SIN3B: variants seen among roughly 807,000 people sequenced by gnomAD.
The protein encoded by SIN3B is SIN3 transcription regulator family member B.
A neutral mutation model predicts 120.2 loss-of-function variants in SIN3B; 19 were observed. The ratio of observed to expected loss-of-function variants is 0.16; its 90% CI spans 0.11 to 0.23. The LOEUF (loss-of-function observed/expected upper bound fraction) is 0.23, where lower values mean the gene tolerates loss of function less well. Among genes scored for constraint, SIN3B ranks in the 10% least tolerant of loss-of-function variants. The pLI, the probability that SIN3B is intolerant of heterozygous loss-of-function variation, is 1.00. For synonymous variants in SIN3B, 654 were observed against 653.2 expected, an observed-to-expected ratio of 1.00 and a Z score of -0.02; for missense variants, 1,073 against 1,573.0, an observed-to-expected ratio of 0.68 and a Z score of 5.38.
chr19:16,851,365 G>A (rs762733300), intron 5 of SIN3B, 47 bp from the exon 6 acceptor site: 3 of 1,529,812 alleles, frequency 2.0e-6, no homozygotes. Flanking sequence ...AGGTGCATGG[G>A]TCCAGCCACG....
Position 16,862,611 on chromosome 19 carries a change from C to T in SIN3B, c.1266+52C>T. 6.7e-7 allele frequency: 1 copy of T among 1,497,494 alleles called. No homozygotes were observed. The allele number at this position is 1,497,494 out of a possible 1,614,324, so 92.8% of individuals were successfully genotyped here. On this transcript the variant is annotated intron_variant, in intron 9 of 18. Transcript: ENST00000248054. The surrounding 1 kb of genome is among the most constrained non-coding windows in gnomAD (Gnocchi z 4.7). ...CGTTGACATGGTGCATCCCCCACCC[C>T]TCCCCAGCAAACACCCGATACCCCC...
At chr19:16,851,384 G>T in intron 5 of SIN3B, 28 bp from the exon 6 acceptor site, 4 of 1,562,992 alleles carry the variant, frequency 2.6e-6, no homozygotes, top group Non-Finnish European at 3.5e-6. Flanking sequence ...CGTCTCCGGT[G>T]CTGACCACCT....
rs201238702 is a variant in SIN3B, at chr19:16,841,791, C to T, written c.405C>T (p.Asp135=). Residue 135 remains aspartate (D), a synonymous_variant, in exon 4 of 19, where the codon GAC becomes GAT. Transcript: ENST00000248054. ...TSQENSHNHG[D]GAEDFKQQVP... ...AGGAGAATTCGCACAACCACGGGGA[C>T]GGTGCAGAGGACTTCAAGCAGCAGG... The T allele has an allele frequency of 5.6e-5, 90 of 1,613,808 alleles. No homozygotes were observed. In the Admixed American group the frequency reaches 6.7e-4, roughly 12 times the overall value.
At chr19:16,841,216 C>T (rs1232610015) in intron 3 of SIN3B, among the ~76,000 whole-genome samples, 2 of 152,060 alleles carry the variant, frequency 1.3e-5, no homozygotes, top group East Asian at 1.9e-4. Flanking sequence ...TTCTCCCAAG[C>T]GACCGATGCA....
intron 14 of SIN3B, among the ~76,000 whole-genome samples, chr19:16,874,954 T>G (rs200965739): frequency 1.3e-5 from 2 of 151,120 alleles, no homozygotes; most frequent in Non-Finnish European, 2.9e-5. Flanking sequence ...TCTGATCTGG[T>G]CTGGTTTTGG....
intron 17 of SIN3B, 103 bp from the exon 18 acceptor site, chr19:16,878,080 A>C: frequency 1.1e-6 from 1 of 938,844 alleles, no homozygotes; most frequent in Non-Finnish European, 1.6e-6. Flanking sequence ...CCTGGGAGGT[A>C]GCACATCTTC....
At chr19:16,843,176 C>T (rs1470905228) in intron 4 of SIN3B, among the ~76,000 whole-genome samples, 8 of 152,164 alleles carry the variant, frequency 5.3e-5, no homozygotes, top group South Asian at 2.1e-4. Context: ...CAGCTCACTG[C>T]AACCTCAGCC....
In SIN3B at chr19:16,869,768, C is replaced by T. The variant is rs745684168; in HGVS notation, c.2115C>T (p.Pro705=). 2.5e-6 allele frequency: 4 copies of T among 1,613,514 alleles called. No individual in the cohort carries two copies. The South Asian group carries it at 3.3e-5, about 13-fold the overall frequency. ...PSERKKPAPG[P]HSSPPEEKGA... ...AGCGGAAGAAGCCGGCGCCAGGACC[C>T]CACAGTAGCCCCCCAGAGGAGAAGG... is the stretch of plus-strand genomic sequence containing the variant. The change falls in exon 13 of 19, where the codon CCC becomes CCT. Residue 705 remains proline, a synonymous_variant. Transcript: ENST00000248054.
At chr19:16,847,143 G>C in intron 5 of SIN3B, 30 bp downstream of exon 5, 1 of 1,594,578 alleles carries the variant, frequency 6.3e-7, no homozygotes, top group African/African-American at 1.3e-5. Context: ...GCCCAGCCTC[G>C]GGGGCCTCAG....
rs369401670 is a variant in SIN3B, at chr19:16,877,655, A to T, written c.2954+16A>T. On this transcript the variant is annotated intron_variant, in intron 17 of 18. Coordinates refer to ENST00000248054, the MANE Select transcript of SIN3B (RefSeq NM_001297595.2). ...TCCTGCAGAGGTAAGAGGCCCTGAG[A>T]TGCATGCTCTGTTCCTTCCTTCCTG... 3.1e-5 allele frequency: 49 copies of T among 1,560,672 alleles called. 1 individual carries two copies. Among genetic ancestry groups the T allele is most frequent in the Non-Finnish European group, 4.3e-5 (49 of 1,139,090 alleles).
intron 4 of SIN3B, among the ~76,000 whole-genome samples, chr19:16,843,141 A>G (rs1158146192): frequency 1.3e-5 from 2 of 152,108 alleles, no homozygotes; most frequent in African/African-American, 4.8e-5. Context: ...GCTGTCACCC[A>G]GGCTGGAGTG....
At position 16,878,850 on chromosome 19, in the gene SIN3B, C is replaced by G. The variant is rs1164330532; in HGVS notation, c.*123C>G. On this transcript the variant is annotated 3_prime_UTR_variant, in exon 19 of 19. Coordinates refer to ENST00000248054, the MANE Select transcript of SIN3B (RefSeq NM_001297595.2). ...ATCTCCCAGCCCCTCTGCTGCCGGA[C>G]AGCGCACTCCAGGGCAGGACGCCGC... 7 of 891,468 alleles carry G rather than the reference C, an allele frequency of 7.9e-6. No individual in the cohort carries two copies. Among genetic ancestry groups the G allele is most frequent in the South Asian group, 1.7e-5 (1 of 59,698 alleles). 55.2% of individuals were successfully genotyped at this position (891,468 alleles called of 1,614,324 possible).
Position 16,862,354 on chromosome 19 carries a change from A to G in SIN3B, c.1061A>G (p.Lys354Arg), listed in dbSNP as rs753487544. The change falls in exon 9 of 19, where the codon AAA (lysine) becomes AGA (arginine). Residue 354 changes from lysine to arginine, a missense_variant and splice_region_variant. By Grantham distance (26) the Lys-to-Arg change is conservative. Transcript: ENST00000248054. The surrounding 1 kb of genome is among the most constrained non-coding windows in gnomAD (Gnocchi z 4.7). ...ACCATGTGTCTTTATCTTTGAAGGA[A>G]ATTTCCAGAACTCTTTGCACAGTTC... ...LLQLVSPFLGKFPELFAQFKS... is the reference protein window; with the variant it reads ...LLQLVSPFLGRFPELFAQFKS... 3.1e-6 allele frequency: 5 copies of G among 1,609,378 alleles called. No homozygotes were observed. In the Admixed American group the frequency reaches 8.3e-5, roughly 27 times the overall value.
chr19:16,837,808 C>G (rs746885070), intron 3 of SIN3B, among the ~76,000 whole-genome samples: 10 of 152,060 alleles, frequency 6.6e-5, no homozygotes, highest in Non-Finnish European at 1.0e-4. Context: ...CTGGGCTGAT[C>G]TCAGGATGCC....
chr19:16,844,292 C>T (rs1206644890), intron 4 of SIN3B: 1 of 152,264 alleles, frequency 6.6e-6, no homozygotes, highest in African/African-American at 2.4e-5. Context: ...AGAGCCAAAC[C>T]AGGCAGCTCC....
intron 6 of SIN3B, among the ~76,000 whole-genome samples, chr19:16,852,837 G>A (rs1017487391): frequency 6.6e-6 from 1 of 152,170 alleles, no homozygotes; most frequent in African/African-American, 2.4e-5. Context: ...GTTACCCAAA[G>A]CCCTACCCTG....
chr19:16,865,456 A>C lies in SIN3B; in HGVS notation c.1430A>C (p.Glu477Ala). The change falls in exon 11 of 19, where the codon GAA (glutamate) becomes GCA (alanine). Residue 477 changes from glutamate (E) to alanine (A), a missense_variant. Glu to Ala is a moderately radical substitution (Grantham distance 107). Around this residue, in one of 7 missense-constraint regions of SIN3B, gnomAD observed 118 missense variants for 281.6 expected, o/e 0.42. Coordinates refer to ENST00000248054, the MANE Select transcript of SIN3B (RefSeq NM_001297595.2). ...ETNLATIRVL[E>A]SVQKKLSRMA... ...AACCTGGCCACAATCCGTGTGTTGG[A>C]AAGTGTGCAGAAGAAGCTGTCTCGG... 6.2e-7 allele frequency: 1 copy of C among 1,612,290 alleles called. No individual in the cohort carries two copies. Among genetic ancestry groups the C allele is most frequent in the Non-Finnish European group, 8.5e-7 (1 of 1,178,812 alleles).
chr19:16,877,333 T>C, intron 16 of SIN3B: 1 of 562,590 alleles, frequency 1.8e-6, no homozygotes, highest in Non-Finnish European at 3.2e-6. Flanking sequence ...GTGGCCTGGT[T>C]GTGTGAGTCC....
chr19:16,831,526 C>G lies in SIN3B; in HGVS notation c.260C>G (p.Ser87Trp), dbSNP rs764678519. Reference protein sequence around the residue: ...IDTPGVIRRVSQLFHEHPDLI... With the variant: ...IDTPGVIRRVWQLFHEHPDLI... ...ACTCCTGGAGTCATCAGACGTGTCT[C>G]GCAGCTCTTCCACGAGCACCCTGAC... is the stretch of plus-strand genomic sequence containing the variant. Residue 87 changes from serine to tryptophan, a missense_variant, in exon 3 of 19, where the codon TCG becomes TGG. This residue lies in a region of SIN3B where 395 missense variants were observed against 528.0 expected (regional missense o/e 0.75). Transcript: ENST00000248054. The G allele has an allele frequency of 2.5e-6, 4 of 1,614,098 alleles. 1 individual carries two copies. The Admixed American group carries it at 6.7e-5, about 27-fold the overall frequency.
Sources: gnomAD v4.1 joint callset for allele counts (sites outside exome capture counted in the v4.1 genomes callset) on GRCh38, gnomAD v4.1.1 for gene constraint, gnomAD v4.1.1 regional missense constraint, Gnocchi (gnomAD v3.1) non-coding constraint, MANE v1.5 for transcripts, NCBI Gene and HGNC (gene_info 2026-07-23, HGNC 2026-07-21) for gene names.